ITIH5: variants seen among roughly 807,000 people sequenced by gnomAD.
The protein encoded by ITIH5 is inter-alpha-trypsin inhibitor heavy chain H5.
Under a neutral mutation model 77.5 loss-of-function variants are expected in ITIH5, and 65 were observed. The observed-to-expected ratio is 0.84, with a 90% CI of 0.69 to 1.03. ITIH5 has a LOEUF of 1.03. ITIH5 is among the 50% of genes least tolerant of loss of function. The pLI is 0.00. For synonymous variants in ITIH5, 525 were observed against 494.3 expected (o/e 1.06, Z -0.82); for missense variants, 1,208 against 1,213.1 (o/e 1.00, Z 0.06).
chr10:7,617,422 C>T, intron 5 of ITIH5, 140 bp from the exon 6 acceptor site: 1 of 520,416 alleles, frequency 1.9e-6, no homozygotes. Flanking sequence ...AGACTGTACT[C>T]ATATATCACA....
chr10:7,580,296 T>C (rs1362320049), intron 8 of ITIH5, among the ~76,000 whole-genome samples: 1 of 152,174 alleles, frequency 6.6e-6, no homozygotes, highest in Non-Finnish European at 1.5e-5. Context: ...AATTTTTGTA[T>C]TTTTAGTAGA....
intron 2 of ITIH5, among the ~76,000 whole-genome samples, chr10:7,645,462 C>T (rs930192742): frequency 2.6e-5 from 4 of 152,134 alleles, no homozygotes; most frequent in African/African-American, 9.7e-5. Flanking sequence ...GCCCAGCAAG[C>T]CGCAGTTTAA....
chr10:7,607,626 C>G (rs1033668517), intron 7 of ITIH5, among the ~76,000 whole-genome samples: 1 of 152,186 alleles, frequency 6.6e-6, no homozygotes, highest in Admixed American at 6.5e-5. Flanking sequence ...TCAGCCTGGC[C>G]AACATAGTGA....
At chr10:7,593,006 G>C (rs1217925249) in intron 7 of ITIH5, among the ~76,000 whole-genome samples, 1 of 152,160 alleles carries the variant, frequency 6.6e-6, no homozygotes, top group Non-Finnish European at 1.5e-5. Context: ...ACCCATGGCA[G>C]AGCTGCTGCT....
At chr10:7,567,311 G>A (rs60198190) in intron 12 of ITIH5, among the ~76,000 whole-genome samples, 237 of 102,168 alleles carry the variant, frequency 2.3e-3, no homozygotes, top group African/African-American at 8.0e-3. Flanking sequence ...ATCCTAATTC[G>A]GACATCTTTT....
At chr10:7,598,718 T>C (rs1441924603) in intron 7 of ITIH5, among the ~76,000 whole-genome samples, 1 of 152,190 alleles carries the variant, frequency 6.6e-6, no homozygotes, top group Non-Finnish European at 1.5e-5. Flanking sequence ...AAATTATTTC[T>C]TCATAGCAAG....
At chr10:7,633,203 G>A (rs1411880139) in intron 5 of ITIH5, among the ~76,000 whole-genome samples, 2 of 152,214 alleles carry the variant, frequency 1.3e-5, no homozygotes, top group Admixed American at 6.5e-5. Context: ...AGGGAGTCTT[G>A]TATTTCACCG....
chr10:7,596,633 CAT>C (rs1271737084), intron 7 of ITIH5, among the ~76,000 whole-genome samples: 1 of 152,156 alleles, frequency 6.6e-6, no homozygotes, highest in African/African-American at 2.4e-5. Context: ...TGAGTGGCAC[CAT>C]CACTTGCCTC....
At chr10:7,608,834 A>G (rs1242058971) in intron 7 of ITIH5, among the ~76,000 whole-genome samples, 1 of 152,254 alleles carries the variant, frequency 6.6e-6, no homozygotes, top group African/African-American at 2.4e-5. Flanking sequence ...ACGTTGCTCA[A>G]TAATTCTACG....
chr10:7,639,774 A>C (rs1240227362), intron 4 of ITIH5, among the ~76,000 whole-genome samples: 1 of 152,220 alleles, frequency 6.6e-6, no homozygotes, highest in Non-Finnish European at 1.5e-5. Flanking sequence ...TATTGGTTTC[A>C]ATGTTTAGAT....
chr10:7,653,966 C>G (rs535107173), intron 2 of ITIH5, among the ~76,000 whole-genome samples: 27 of 152,286 alleles, frequency 1.8e-4, no homozygotes, highest in African/African-American at 6.5e-4. Flanking sequence ...ACCAACCTAG[C>G]CAACATGGTG....
chr10:7,582,038 G>A (rs974279458), intron 8 of ITIH5, among the ~76,000 whole-genome samples: 2 of 151,454 alleles, frequency 1.3e-5, no homozygotes, highest in East Asian at 1.9e-4. Context: ...ACCATGCCTG[G>A]CTAATTTTTG....
chr10:7,655,754 A>C, intron 1 of ITIH5, 79 bp from the exon 2 acceptor site: 1 of 1,103,404 alleles, frequency 9.1e-7, no homozygotes, highest in Non-Finnish European at 1.4e-6. Context: ...GGTCATTCTC[A>C]CATGAGTTAT....
intron 7 of ITIH5, among the ~76,000 whole-genome samples, chr10:7,613,436 A>G (rs1833295346): frequency 1.0e-5 from 1 of 98,832 alleles, no homozygotes; most frequent in Non-Finnish European, 2.6e-5. Context: ...AAGTAACTTG[A>G]GCCCTAAGGG....
At chr10:7,583,736 G>A (rs542226154) in intron 8 of ITIH5, among the ~76,000 whole-genome samples, 1 of 152,282 alleles carries the variant, frequency 6.6e-6, no homozygotes, top group Admixed American at 6.5e-5. Flanking sequence ...CAGCAATGGT[G>A]CCAAATCTCT....
chr10:7,565,896 G>A (rs983369599), intron 13 of ITIH5, 134 bp downstream of exon 13: 57 of 1,144,214 alleles, frequency 5.0e-5, no homozygotes, highest in South Asian at 2.3e-4. Context: ...ATACATATGC[G>A]GACTGTATAT....
intron 7 of ITIH5, among the ~76,000 whole-genome samples, chr10:7,588,904 G>A (rs1464569803): frequency 6.6e-6 from 1 of 152,216 alleles, no homozygotes; most frequent in African/African-American, 2.4e-5. Flanking sequence ...GAGTGGCTAA[G>A]CATCATGCTC....
At chr10:7,597,975 A>G (rs879384010) in intron 7 of ITIH5, among the ~76,000 whole-genome samples, 1 of 152,096 alleles carries the variant, frequency 6.6e-6, no homozygotes, top group African/African-American at 2.4e-5. Flanking sequence ...GTTCGCCATA[A>G]TGTATTTGGG....
intron 7 of ITIH5, among the ~76,000 whole-genome samples, chr10:7,598,685 C>G (rs1832957054): frequency 6.6e-6 from 1 of 151,878 alleles, no homozygotes; most frequent in African/African-American, 2.4e-5. Flanking sequence ...ATATGTTTAC[C>G]CCATCTATGT....
Sources: gnomAD v4.1 joint callset for allele counts (sites outside exome capture counted in the v4.1 genomes callset) on GRCh38, gnomAD v4.1.1 for gene constraint, MANE v1.5 for transcripts, NCBI Gene and HGNC (gene_info 2026-07-23, HGNC 2026-07-21) for gene names.